FER1L5: variants seen among roughly 807,000 people sequenced by gnomAD.
FER1L5 encodes fer-1-like protein 5.
In FER1L5, 187 loss-of-function variants were observed where a neutral mutation model predicts 279.9. The ratio of observed to expected loss-of-function variants is 0.67; its 90% CI spans 0.59 to 0.75. The LOEUF is 0.75. FER1L5 is among the 30% of genes least tolerant of loss of function. The pLI is 0.00. For synonymous variants in FER1L5, 921 were observed against 989.7 expected, an observed-to-expected ratio of 0.93 and a Z score of 1.30; for missense variants, 2,091 against 2,594.4, an observed-to-expected ratio of 0.81 and a Z score of 4.21.
In FER1L5 at chr2:96,703,625, C is replaced by CGAA; in HGVS notation, c.5794_5795insGAA (p.Pro1932delinsArgThr). 2 of 1,613,868 alleles carry CGAA rather than the reference C, an allele frequency of 1.2e-6. No individual in the cohort carries two copies. The highest frequency in any genetic ancestry group is 2.2e-5 in the South Asian group (2 of 91,086). On this transcript the variant is annotated protein_altering_variant, in exon 51 of 53. Coordinates refer to ENST00000624922, the MANE Select transcript of FER1L5 (RefSeq NM_001293083.2). ...ACCCAACCAGTACCCCACACTTCATCCTCCCCTGTAAGGGTCCTTGGGGCA... is the reference window on the plus strand; with the variant it reads ...ACCCAACCAGTACCCCACACTTCATCGAACTCCCCTGTAAGGGTCCTTGGGGCA...
At chr2:96,692,063 G>A (rs2077174024) in intron 30 of FER1L5, 41 bp from the exon 31 acceptor site, 1 of 1,550,854 alleles carries the variant, frequency 6.4e-7, no homozygotes, top group Non-Finnish European at 8.7e-7. Context: ...GAGCCGCTGG[G>A]GTCCTGGGGC....
intron 23 of FER1L5, among the ~76,000 whole-genome samples, 188 bp downstream of exon 23, chr2:96,686,538 C>G (rs1450233411): frequency 6.6e-6 from 1 of 152,164 alleles, no homozygotes. Flanking sequence ...GATGCCAAGT[C>G]CATGTACCTC....
Position 96,693,475 on chromosome 2 carries a change from G to C in FER1L5, c.3293-31G>C, listed in dbSNP as rs369016749. ...AGGAAAGCCCCTCTTCCCAGCTCAA[G>C]ACACTGCTACCTTCTCCTCTACCCC... On this transcript the variant is annotated intron_variant, in intron 31 of 52. Coordinates refer to ENST00000624922, the MANE Select transcript of FER1L5 (RefSeq NM_001293083.2). 7.7e-5 allele frequency: 118 copies of C among 1,534,404 alleles called. 2 individuals carry two copies. In the Admixed American group the frequency reaches 1.1e-3, roughly 14 times the overall value.
At chr2:96,667,559 C>G (rs978980561) in intron 14 of FER1L5, among the ~76,000 whole-genome samples, 5 of 152,070 alleles carry the variant, frequency 3.3e-5, no homozygotes, top group African/African-American at 1.2e-4. Context: ...GTTGGCCAGG[C>G]TGATCTTGAA....
chr2:96,699,044 G>A lies in FER1L5; in HGVS notation c.4519-1G>A. 1 of 1,608,100 alleles carries A rather than the reference G, an allele frequency of 6.2e-7. No homozygotes were observed. On this transcript the variant is annotated splice_acceptor_variant, in intron 41 of 52. Coordinates refer to ENST00000624922, the MANE Select transcript of FER1L5 (RefSeq NM_001293083.2). LOFTEE classifies it high-confidence loss of function. ...CTTCCCCCACTTGTATCTGACCCCAGTGTGACCCTTATGTGATCCTGAAAC... is the reference window on the plus strand; with the variant it reads ...CTTCCCCCACTTGTATCTGACCCCAATGTGACCCTTATGTGATCCTGAAAC...
chr2:96,686,732 C>T (rs1043222817), intron 23 of FER1L5, among the ~76,000 whole-genome samples: 4 of 151,906 alleles, frequency 2.6e-5, no homozygotes, highest in African/African-American at 9.7e-5. Context: ...GTGGCGCATG[C>T]TTGTAATCCT....
intron 17 of FER1L5, among the ~76,000 whole-genome samples, chr2:96,669,805 AGGCAG>A: frequency 6.6e-6 from 1 of 152,290 alleles, no homozygotes; most frequent in East Asian, 1.9e-4. Flanking sequence ...GTTGCCAAGG[AGGCAG>A]GGCAGGCTCT....
intron 18 of FER1L5, 30 bp downstream of exon 18, chr2:96,670,277 A>T: frequency 6.5e-7 from 1 of 1,549,822 alleles, no homozygotes. Context: ...AACCCAGGGA[A>T]AAACAAGAGC....
intron 14 of FER1L5, among the ~76,000 whole-genome samples, chr2:96,666,240 C>A (rs1306124398): frequency 6.9e-6 from 1 of 145,450 alleles, no homozygotes; most frequent in Non-Finnish European, 1.5e-5. Flanking sequence ...GGAGGCAGCA[C>A]ACTAGATGAG....
chr2:96,664,970 C>T (rs1308296381), intron 14 of FER1L5, among the ~76,000 whole-genome samples: 1 of 152,192 alleles, frequency 6.6e-6, no homozygotes, highest in Admixed American at 6.5e-5. Flanking sequence ...CTACTTGTTC[C>T]TGCACTAAAT....
Position 96,702,964 on chromosome 2 carries a change from C to T in FER1L5, c.5398-14C>T, listed in dbSNP as rs372366039. The T allele has an allele frequency of 4.0e-5, 64 of 1,606,448 alleles. 2 individuals are homozygous for T. In the African/African-American group the frequency reaches 7.1e-4, roughly 18 times the overall value. On this transcript the variant is annotated splice_polypyrimidine_tract_variant and intron_variant, in intron 48 of 52. Transcript: ENST00000624922. The surrounding 1 kb of genome is among the most constrained non-coding windows in gnomAD (Gnocchi z 4.0). ...GAGACAGGCCGGTAACACGCCCTTC[C>T]GCCATTTCCCCAGGATTACATATGG...
Position 96,689,097 on chromosome 2 carries a change from G to A in FER1L5, c.2362-116G>A. 2.3e-6 allele frequency: 3 copies of A among 1,278,948 alleles called. No homozygotes were observed. The highest frequency in any genetic ancestry group is 3.1e-5 in the South Asian group (2 of 64,042). The allele number at this position is 1,278,948 out of a possible 1,614,324, so 79.2% of individuals were successfully genotyped here. ...TGGGGACATGGCCCTTTCTTGCCTG[G>A]CTACCACATTTTTAGGATGCCCCTG... On this transcript the variant is annotated intron_variant, in intron 24 of 52. Coordinates refer to ENST00000624922, the MANE Select transcript of FER1L5 (RefSeq NM_001293083.2). The surrounding 1 kb of genome is among the most constrained non-coding windows in gnomAD (Gnocchi z 4.6).
Position 96,698,482 on chromosome 2 carries a change from C to T in FER1L5, c.4357-189C>T, listed in dbSNP as rs2077465550. On this transcript the variant is annotated intron_variant, in intron 40 of 52. Transcript: ENST00000624922. This position sits in a 1 kb window ranked among gnomAD's most constrained non-coding sequence, Gnocchi z 5.5. Reference sequence around the variant, plus strand: ...CTGACTGCGGTTCCTTTGCCAACACCCTGTTTCAACATAGTGGGCCCTGCT... The same window carrying T: ...CTGACTGCGGTTCCTTTGCCAACACTCTGTTTCAACATAGTGGGCCCTGCT... Among the ~76,000 whole-genome samples, 1 of 152,138 alleles carries T rather than the reference C, an allele frequency of 6.6e-6. No homozygotes were observed. The highest frequency in any genetic ancestry group is 1.5e-5 in the Non-Finnish European group (1 of 68,022).
Position 96,702,893 on chromosome 2 carries a change from C to A in FER1L5, c.5398-85C>A. 6.5e-7 allele frequency: 1 copy of A among 1,533,734 alleles called. No individual in the cohort carries two copies. On this transcript the variant is annotated intron_variant, in intron 48 of 52. Coordinates refer to ENST00000624922, the MANE Select transcript of FER1L5 (RefSeq NM_001293083.2). The surrounding 1 kb of genome is among the most constrained non-coding windows in gnomAD (Gnocchi z 4.0). ...GAAACCCTCTTCCTTGATAGTCTAT[C>A]ACTGCTGGGTGGAGGGCCACTGAGG...
At chr2:96,651,804 C>G in intron 6 of FER1L5, 88 bp from the exon 7 acceptor site, 1 of 1,526,732 alleles carries the variant, frequency 6.5e-7, no homozygotes, top group Non-Finnish European at 8.9e-7. Flanking sequence ...ACTCATTGCA[C>G]CTGGCCTAGA....
rs762022772 is a variant in FER1L5 at position 96,704,598 on chromosome 2, T to G, written c.6080T>G (p.Leu2027Arg). 1 of 1,613,876 alleles carries G rather than the reference T, an allele frequency of 6.2e-7. No individual in the cohort carries two copies. Among genetic ancestry groups the G allele is most frequent in the Admixed American group, 1.7e-5 (1 of 60,020 alleles). ...SSILPTQDPN[L>R]KPTIDHEWKL... ...ATCCTTCCCACCCAGGATCCAAACC[T>G]AAAGCCTACAATAGACCATGAGTGG... The change falls in exon 53 of 53, where the codon CTA becomes CGA. Residue 2027 changes from leucine (L) to arginine (R), a missense_variant. Leu to Arg is a moderately radical substitution (Grantham distance 102). Transcript: ENST00000624922.
At chr2:96,645,364 G>A (rs2075072635) in intron 1 of FER1L5, among the ~76,000 whole-genome samples, 1 of 152,160 alleles carries the variant, frequency 6.6e-6, no homozygotes, top group Non-Finnish European at 1.5e-5. Context: ...GGGGAGAGGA[G>A]AGAGGAGAAT....
intron 9 of FER1L5, among the ~76,000 whole-genome samples, chr2:96,658,739 G>GTGAT (rs2075700683): frequency 6.6e-6 from 1 of 152,022 alleles, no homozygotes; most frequent in Non-Finnish European, 1.5e-5. Context: ...ATATTTCACT[G>GTGAT]TGATTGTAAT....
chr2:96,657,273 C>T (rs2075637940), intron 9 of FER1L5, among the ~76,000 whole-genome samples: 2 of 151,780 alleles, frequency 1.3e-5, no homozygotes, highest in Non-Finnish European at 2.9e-5. Context: ...TGGGGTTTCA[C>T]CATGTCGGCC....
Sources: allele counts gnomAD v4.1 joint callset (sites outside exome capture counted in the v4.1 genomes callset), GRCh38; gene constraint gnomAD v4.1.1; non-coding constraint Gnocchi (gnomAD v3.1); transcripts MANE v1.5; gene names NCBI Gene and HGNC (gene_info 2026-07-23, HGNC 2026-07-21).